MIAT: variants seen among roughly 807,000 people sequenced by gnomAD.
MIAT encodes the protein MI related novel mRNA.
chr22:26,663,413 C>T (rs1011573478), intron 3 of MIAT: 34 of 398,560 alleles, frequency 8.5e-5, no homozygotes, highest in African/African-American at 6.4e-4. Flanking sequence ...TCCTCCCTCT[C>T]TTCCTGTGTC....
Position 26,648,106 on chromosome 22 carries a change from T to C in MIAT, n.646+795T>C, listed in dbSNP as rs189013079. Among the ~76,000 whole-genome samples the C allele has an allele frequency of 5.1e-3, 778 of 152,180 alleles. 11 individuals carry two copies. The highest frequency in any genetic ancestry group is 0.027 in the Middle Eastern group (8 of 294). Reference sequence around the variant, plus strand: ...GGAGGAGGGAAGGCAGCCGCTGTGCTGGCGGCTGCGGTCTGCACCTTTCTC... The same window carrying C: ...GGAGGAGGGAAGGCAGCCGCTGTGCCGGCGGCTGCGGTCTGCACCTTTCTC... On this transcript the variant is annotated intron_variant and non_coding_transcript_variant, in intron 2 of 5. Transcript: ENST00000643270.
Position 26,652,209 on chromosome 22 carries a change from A to C in MIAT, n.646+4898A>C, listed in dbSNP as rs533177429. Reference sequence around the variant, plus strand: ...TGCGGTGGAGCCGGGGGTCGATCTCATTATGTTGCCCAGGCTGGTCTTGAG... The same window carrying C: ...TGCGGTGGAGCCGGGGGTCGATCTCCTTATGTTGCCCAGGCTGGTCTTGAG... On this transcript the variant is annotated intron_variant and non_coding_transcript_variant, in intron 2 of 5. Coordinates refer to ENST00000643270, the Ensembl canonical transcript of MIAT. Among the ~76,000 whole-genome samples the C allele has an allele frequency of 2.0e-5, 3 of 152,100 alleles. No homozygotes were observed. In the East Asian group the frequency reaches 5.8e-4, roughly 29 times the overall value.
At chr22:26,673,660 A>G (rs1931151339), downstream of MIAT, 1 of 213,802 alleles carries the variant, frequency 4.7e-6, no homozygotes, top group East Asian at 5.4e-5. Context: ...GAACTTGGCT[A>G]ACACAGGTTT....
chr22:26,647,174 T>C (rs1930248048), exon 2 of MIAT: 1 of 398,420 alleles, frequency 2.5e-6, no homozygotes, highest in African/African-American at 2.1e-5. Flanking sequence ...ATCTATAAAG[T>C]GCTTTCTGAG....
At chr22:26,649,240 A>G (rs552596815) in intron 2 of MIAT, among the ~76,000 whole-genome samples, 6 of 152,264 alleles carry the variant, frequency 3.9e-5, no homozygotes, top group African/African-American at 1.4e-4. Flanking sequence ...TCCCTACCCA[A>G]AGTCACATGG....
In MIAT at chr22:26,666,061, A is replaced by AT. The variant is rs372357107; in HGVS notation, n.1265dup. 1.4e-3 allele frequency: 564 copies of AT among 398,534 alleles called. 5 individuals carry two copies. The highest frequency in any genetic ancestry group is 9.6e-3 in the African/African-American group (470 of 48,710). 24.7% of individuals were successfully genotyped at this position (398,534 alleles called of 1,614,324 possible). A position where few individuals can be genotyped will look rare whatever the true frequency, so the allele number is the denominator to read the frequency against. ...GAGTTAACACTGTGACTTTAGATGC[A>AT]TTTTTCTCAGTGTAAGTGTCTGAGC... On this transcript the variant is annotated non_coding_transcript_exon_variant, in exon 4 of 6. Transcript: ENST00000643270.
intron 2 of MIAT, among the ~76,000 whole-genome samples, chr22:26,660,370 G>A (rs9613240): frequency 0.85 from 127,980 of 150,764 alleles, 54,447 homozygotes; most frequent in South Asian, 0.92. Flanking sequence ...CTGGAGGCTG[G>A]GGCAGGAGGA....
downstream of MIAT, chr22:26,672,267 C>T (rs558051625): frequency 1.3e-5 from 5 of 399,120 alleles, no homozygotes; most frequent in Admixed American, 2.2e-4. Flanking sequence ...GGGGCTGGTC[C>T]CCCTCCTTTT....
rs58654108 is a variant in MIAT, at chr22:26,661,917, C to CATAT, written n.647-1357_647-1354dup. ...ATATATATATGGATCTATATAGATCCATATATATATATATATATATATATA... is the reference window on the plus strand; with the variant it reads ...ATATATATATGGATCTATATAGATCCATATATATATATATATATATATATATATA... On this transcript the variant is annotated intron_variant and non_coding_transcript_variant, in intron 2 of 5. Transcript: ENST00000643270. Among the ~76,000 whole-genome samples, 574 of 80,086 alleles carry CATAT rather than the reference C, an allele frequency of 7.2e-3. 2 individuals carry two copies. Among genetic ancestry groups the CATAT allele is most frequent in the Non-Finnish European group, 9.9e-3 (362 of 36,648 alleles). 52.5% of individuals were successfully genotyped at this position (80,086 alleles called of 152,430 possible).
downstream of MIAT, chr22:26,671,163 T>C: frequency 5.0e-6 from 2 of 398,600 alleles, no homozygotes; most frequent in Non-Finnish European, 8.8e-6. Context: ...GGGGTTTCTG[T>C]CTAGGACAAG....
At chr22:26,660,245 G>A (rs375490393) in intron 2 of MIAT, among the ~76,000 whole-genome samples, 4 of 151,328 alleles carry the variant, frequency 2.6e-5, no homozygotes, top group African/African-American at 7.3e-5. Context: ...GCTGAGGTGG[G>A]TGGATCACCT....
chr22:26,668,048 G>C (rs1171761877), intron 5 of MIAT: 3 of 397,534 alleles, frequency 7.5e-6, no homozygotes, highest in Non-Finnish European at 1.3e-5. Flanking sequence ...TGAGAGACTG[G>C]GGGGATCTCT....
At chr22:26,664,321 C>G (rs988525730) in intron 3 of MIAT, among the ~76,000 whole-genome samples, 6 of 152,116 alleles carry the variant, frequency 3.9e-5, no homozygotes, top group African/African-American at 1.4e-4. Flanking sequence ...CTCATACTTC[C>G]TGTTGCATGT....
exon 2 of MIAT, chr22:26,647,304 AC>A: frequency 2.6e-6 from 1 of 383,182 alleles, no homozygotes; most frequent in East Asian, 3.7e-5. Flanking sequence ...CTGGGATGCG[AC>A]AAAAAAGTAG....
downstream of MIAT, chr22:26,669,721 G>A (rs998726335): frequency 1.0e-5 from 4 of 399,248 alleles, no homozygotes; most frequent in Admixed American, 1.8e-4. Flanking sequence ...ATGGGGAGGA[G>A]GAGCAGAGAG....
downstream of MIAT, chr22:26,670,543 T>A (rs1048648331): frequency 1.6e-5 from 6 of 365,342 alleles, no homozygotes; most frequent in African/African-American, 1.4e-4. Flanking sequence ...CTGGCTGAGA[T>A]GATACCCGAC....
chr22:26,669,167 G>A (rs528462262), exon 6 of MIAT: 111 of 398,740 alleles, frequency 2.8e-4, no homozygotes, highest in East Asian at 3.9e-4. Flanking sequence ...CAGTCCCAGC[G>A]TTTGCAAGAG....
intron 2 of MIAT, among the ~76,000 whole-genome samples, chr22:26,661,871 G>C (rs915796992): frequency 8.5e-6 from 1 of 118,282 alleles, no homozygotes; most frequent in Non-Finnish European, 1.9e-5. Flanking sequence ...TACCTTCCTT[G>C]GATCTTTTAT....
At chr22:26,653,246 C>G (rs1376527951) in intron 2 of MIAT, among the ~76,000 whole-genome samples, 2 of 152,224 alleles carry the variant, frequency 1.3e-5, no homozygotes, top group Non-Finnish European at 2.9e-5. Flanking sequence ...TGTTAGAGAA[C>G]TGGGAGCAGA....
Sources: gnomAD v4.1 joint callset for allele counts (sites outside exome capture counted in the v4.1 genomes callset) on GRCh38, gnomAD v4.1.1 for gene constraint, MANE v1.5 for transcripts, NCBI Gene and HGNC (gene_info 2026-07-23, HGNC 2026-07-21) for gene names.